Variants in PRR16 observed in about 807,000 individuals in gnomAD.
The protein encoded by PRR16 is protein Largen.
PRR16 carries 6 observed loss-of-function variants against 18.2 expected under a neutral mutation model. The ratio of observed to expected loss-of-function variants is 0.33; its 90% CI spans 0.18 to 0.65. The LOEUF is 0.65. PRR16 is among the 30% of genes least tolerant of loss of function. The pLI, the probability that PRR16 is intolerant of heterozygous loss-of-function variation, is 0.74. For synonymous variants in PRR16, 151 were observed against 147.8 expected, an observed-to-expected ratio of 1.02 and a Z score of -0.16; for missense variants, 412 against 376.6, an observed-to-expected ratio of 1.09 and a Z score of -0.78.
At chr5:120,680,592 T>G (rs1756940615) in intron 1 of PRR16, among the ~76,000 whole-genome samples, 1 of 152,168 alleles carries the variant, frequency 6.6e-6, no homozygotes, top group East Asian at 1.9e-4. Flanking sequence ...CCACAAAGTG[T>G]GTACCTTATT....
At chr5:120,770,562 T>A in the PRR16 span, among the ~76,000 whole-genome samples, 5 of 151,872 alleles carry the variant, frequency 3.3e-5, no homozygotes, top group African/African-American at 1.2e-4. Flanking sequence ...AAGACATAAA[T>A]AGCCAAGTGA....
chr5:120,757,877 A>T, the PRR16 span, among the ~76,000 whole-genome samples: 1 of 152,142 alleles, frequency 6.6e-6, no homozygotes, highest in African/African-American at 2.4e-5. Flanking sequence ...TATAGTTTTC[A>T]TATTCATAAC....
chr5:120,503,517 TAAAAG>T (rs940188892), intron 1 of PRR16, among the ~76,000 whole-genome samples: 27 of 152,064 alleles, frequency 1.8e-4, no homozygotes, highest in African/African-American at 6.0e-4. Context: ...TGTGGTAAGA[TAAAAG>T]AGAGAGCAAT....
chr5:120,616,173 T>C (rs543694691), intron 1 of PRR16, among the ~76,000 whole-genome samples: 1 of 152,160 alleles, frequency 6.6e-6, no homozygotes, highest in Non-Finnish European at 1.5e-5. Context: ...GAGTCAGTAA[T>C]TGAGCAAGCT....
chr5:120,486,884 C>A (rs1377329736), intron 1 of PRR16, among the ~76,000 whole-genome samples: 1 of 152,212 alleles, frequency 6.6e-6, no homozygotes, highest in Non-Finnish European at 1.5e-5. Flanking sequence ...GTTTTCCCAG[C>A]ACCATTTATT....
chr5:120,510,147 CT>C (rs1750784304), intron 1 of PRR16, among the ~76,000 whole-genome samples: 1 of 152,118 alleles, frequency 6.6e-6, no homozygotes, highest in Non-Finnish European at 1.5e-5. Context: ...TGTGCCCTGT[CT>C]TTTGTCATTA....
intron 1 of PRR16, among the ~76,000 whole-genome samples, chr5:120,577,881 T>TTCCA (rs1452797501): frequency 6.6e-6 from 1 of 152,212 alleles, no homozygotes; most frequent in African/African-American, 2.4e-5. Flanking sequence ...CCTATGAGGT[T>TTCCA]ACTAACTTAC....
At position 120,515,579 on chromosome 5, in the gene PRR16, G is replaced by T. The variant is rs549257970; in HGVS notation, c.159+50934G>T. On this transcript the variant is annotated intron_variant, in intron 1 of 1. Transcript: ENST00000407149. ...AACCACTTGTGTTAAATAACCTCAG[G>T]GATACCCTACATTCTGATCACTTTC... Among the ~76,000 whole-genome samples the T allele has an allele frequency of 2.0e-5, 3 of 151,890 alleles. No homozygotes were observed. In the East Asian group the frequency reaches 5.8e-4, roughly 29 times the overall value.
the PRR16 span, among the ~76,000 whole-genome samples, chr5:120,712,700 A>T: frequency 1.3e-5 from 2 of 152,178 alleles, no homozygotes; most frequent in Non-Finnish European, 2.9e-5. Flanking sequence ...TGAAAAACAG[A>T]TATATGAAAA....
At chr5:120,621,202 A>G (rs1193719019) in intron 1 of PRR16, among the ~76,000 whole-genome samples, 3 of 152,004 alleles carry the variant, frequency 2.0e-5, no homozygotes, top group Non-Finnish European at 4.4e-5. Context: ...GCTTTCTTAC[A>G]ATTCACTTTT....
At chr5:120,783,263 T>C in the PRR16 span, among the ~76,000 whole-genome samples, 1 of 152,214 alleles carries the variant, frequency 6.6e-6, no homozygotes, top group African/African-American at 2.4e-5. Flanking sequence ...AAGCATGAAA[T>C]GAAACGTTTT....
At chr5:120,719,799 G>A in the PRR16 span, among the ~76,000 whole-genome samples, 21 of 152,000 alleles carry the variant, frequency 1.4e-4, no homozygotes, top group Non-Finnish European at 2.8e-4. Flanking sequence ...ACTCAGTTAA[G>A]TTTGTTTTTA....
chr5:120,725,913 G>T, the PRR16 span, among the ~76,000 whole-genome samples: 4 of 152,090 alleles, frequency 2.6e-5, no homozygotes, highest in Non-Finnish European at 2.9e-5. Context: ...GAAATTAATA[G>T]ATTCCACTTG....
At chr5:120,640,779 A>G (rs1031079230) in intron 1 of PRR16, among the ~76,000 whole-genome samples, 1 of 152,134 alleles carries the variant, frequency 6.6e-6, no homozygotes, top group Non-Finnish European at 1.5e-5. Context: ...ACAAAACACA[A>G]TTCTTCTCCC....
chr5:120,724,607 T>A, the PRR16 span, among the ~76,000 whole-genome samples: 1 of 152,246 alleles, frequency 6.6e-6, no homozygotes, highest in Admixed American at 6.6e-5. Context: ...TGAATCATGA[T>A]AATTTTTTGT....
chr5:120,761,405 A>G, the PRR16 span, among the ~76,000 whole-genome samples: 1 of 151,968 alleles, frequency 6.6e-6, no homozygotes, highest in South Asian at 2.1e-4. Context: ...TGGCAAAACT[A>G]CCCCTAGACT....
intron 1 of PRR16, among the ~76,000 whole-genome samples, chr5:120,639,406 G>T (rs1755349034): frequency 1.3e-5 from 2 of 151,872 alleles, no homozygotes; most frequent in Non-Finnish European, 2.9e-5. Flanking sequence ...TTTATCATTT[G>T]ACTGGCTAAA....
At chr5:120,706,727 A>G in the PRR16 span, among the ~76,000 whole-genome samples, 1 of 152,212 alleles carries the variant, frequency 6.6e-6, no homozygotes, top group African/African-American at 2.4e-5. Context: ...GGACAGGTTA[A>G]ACAGACAAGA....
chr5:120,514,727 C>A (rs546548144), intron 1 of PRR16, among the ~76,000 whole-genome samples: 1 of 152,308 alleles, frequency 6.6e-6, no homozygotes, highest in Admixed American at 6.5e-5. Flanking sequence ...GACCTCATCA[C>A]AATGTCCTTT....
Sources: allele counts gnomAD v4.1 joint callset (sites outside exome capture counted in the v4.1 genomes callset), GRCh38; gene constraint gnomAD v4.1.1; transcripts MANE v1.5; gene names NCBI Gene and HGNC (gene_info 2026-07-23, HGNC 2026-07-21).